PBX1: variants seen among roughly 807,000 people sequenced by gnomAD.
PBX1 encodes the protein PBX homeobox 1, also known as pre-B-cell leukemia transcription factor 1.
Under a neutral mutation model 53.4 loss-of-function variants are expected in PBX1, and 6 were observed. That is an observed-to-expected ratio of 0.11 (90% CI 0.06 to 0.22). PBX1 has a LOEUF of 0.22. Among genes scored for constraint, PBX1 ranks in the 10% least tolerant of loss-of-function variants. PBX1 has a pLI of 1.00. For synonymous variants in PBX1, 204 were observed against 212.3 expected (o/e 0.96, Z 0.34); for missense variants, 251 against 551.4 (o/e 0.46, Z 5.46).
intron 2 of PBX1, chr1:164,684,376 A>G (rs952733170): frequency 4.6e-5 from 7 of 152,212 alleles, no homozygotes; most frequent in Admixed American, 3.9e-4. Context: ...TCTCTTATGC[A>G]TTATGAATTC....
intron 2 of PBX1, among the ~76,000 whole-genome samples, chr1:164,604,885 C>T (rs1656445414): frequency 6.6e-6 from 1 of 151,644 alleles, no homozygotes; most frequent in African/African-American, 2.4e-5. Flanking sequence ...ACTCTGTTTC[C>T]CAAGTAAATA....
intron 2 of PBX1, among the ~76,000 whole-genome samples, chr1:164,783,958 A>C (rs1668049188): frequency 2.6e-5 from 4 of 152,224 alleles, no homozygotes; most frequent in Admixed American, 2.6e-4. Flanking sequence ...TGCTTCCTTT[A>C]GGAAATACCA....
intron 2 of PBX1, among the ~76,000 whole-genome samples, chr1:164,766,084 A>G (rs1273764705): frequency 6.6e-6 from 1 of 152,212 alleles, no homozygotes. Flanking sequence ...GCTGATGGCC[A>G]TGATGATATT....
intron 2 of PBX1, among the ~76,000 whole-genome samples, chr1:164,594,966 A>G (rs1655657532): frequency 6.6e-6 from 1 of 152,226 alleles, no homozygotes; most frequent in Admixed American, 6.5e-5. Context: ...AGCTCTTTTC[A>G]TTATACTGTC....
intron 2 of PBX1, among the ~76,000 whole-genome samples, chr1:164,697,881 G>A (rs570176815): frequency 4.6e-5 from 7 of 152,286 alleles, no homozygotes; most frequent in African/African-American, 1.7e-4. Context: ...GTGATATTTG[G>A]AATTGAACTA....
chr1:164,648,507 A>G (rs1429420499), intron 2 of PBX1, among the ~76,000 whole-genome samples: 1 of 152,224 alleles, frequency 6.6e-6, no homozygotes, highest in Non-Finnish European at 1.5e-5. Flanking sequence ...TGCACGCAGC[A>G]GAGAGGTTGC....
intron 2 of PBX1, among the ~76,000 whole-genome samples, chr1:164,581,137 G>T (rs1331793702): frequency 6.6e-6 from 1 of 152,058 alleles, no homozygotes; most frequent in Non-Finnish European, 1.5e-5. Context: ...GGTGCGGATG[G>T]ATGCTTCCAT....
At chr1:164,727,322 C>G (rs1234684857) in intron 2 of PBX1, among the ~76,000 whole-genome samples, 1 of 152,076 alleles carries the variant, frequency 6.6e-6, no homozygotes, top group African/African-American at 2.4e-5. Context: ...AGGGATTATG[C>G]CTAAGTAGTT....
chr1:164,599,470 G>A (rs1436296888), intron 2 of PBX1, among the ~76,000 whole-genome samples: 1 of 152,132 alleles, frequency 6.6e-6, no homozygotes, highest in East Asian at 1.9e-4. Flanking sequence ...TTTGCCAGCG[G>A]CCTCTTCTTA....
At chr1:164,619,834 G>A (rs1657549973) in intron 2 of PBX1, among the ~76,000 whole-genome samples, 1 of 152,170 alleles carries the variant, frequency 6.6e-6, no homozygotes, top group Non-Finnish European at 1.5e-5. Context: ...ATTGTGGAGA[G>A]TGAAGTGGAG....
chr1:164,878,824 T>G (rs1011642216), intron 2 of PBX1, among the ~76,000 whole-genome samples: 2 of 152,190 alleles, frequency 1.3e-5, no homozygotes, highest in Non-Finnish European at 2.9e-5. Context: ...TGTAGGAAAT[T>G]TGAACTTATA....
chr1:164,670,552 C>T (rs775864009), intron 2 of PBX1, among the ~76,000 whole-genome samples: 33 of 152,226 alleles, frequency 2.2e-4, no homozygotes, highest in Non-Finnish European at 2.6e-4. Context: ...ATCTCAATAG[C>T]CAGCTGACTG....
intron 2 of PBX1, among the ~76,000 whole-genome samples, chr1:164,786,370 T>C (rs1668174482): frequency 6.6e-6 from 1 of 152,156 alleles, no homozygotes; most frequent in Non-Finnish European, 1.5e-5. Context: ...CGTGCCCTGG[T>C]GCCTCAGAGG....
At chr1:164,779,082 C>T (rs35017150) in intron 2 of PBX1, among the ~76,000 whole-genome samples, 31,980 of 148,562 alleles carry the variant, frequency 0.22, 4,310 homozygotes, top group East Asian at 0.39. Flanking sequence ...CTCACTCTGT[C>T]CCCCAGGCTG....
At chr1:164,602,366 C>A (rs1363009315) in intron 2 of PBX1, among the ~76,000 whole-genome samples, 1 of 152,196 alleles carries the variant, frequency 6.6e-6, no homozygotes, top group Non-Finnish European at 1.5e-5. Context: ...TTCTCTTAAT[C>A]CTTTTTTGAA....
At chr1:164,584,008 G>A (rs1362952993) in intron 2 of PBX1, among the ~76,000 whole-genome samples, 3 of 152,168 alleles carry the variant, frequency 2.0e-5, no homozygotes, top group Admixed American at 1.3e-4. Context: ...CCCCCTTGAA[G>A]ATGGTAAGGT....
chr1:164,773,916 C>A lies in PBX1; in HGVS notation c.266-18578C>A, dbSNP rs370725592. On this transcript the variant is annotated intron_variant, in intron 2 of 8. Transcript: ENST00000420696. Reference sequence around the variant, plus strand: ...TCAAGAGGCCCAGAACTTAAGAAAGCCAGGAAGCTATTTTTCTACGACTCC... The same window carrying A: ...TCAAGAGGCCCAGAACTTAAGAAAGACAGGAAGCTATTTTTCTACGACTCC... 3.9e-5 allele frequency among the ~76,000 whole-genome samples: 6 copies of A among 152,220 alleles called. No homozygotes were observed. The East Asian group carries it at 7.7e-4, about 20-fold the overall frequency.
At chr1:164,691,895 A>C (rs914698663) in intron 2 of PBX1, among the ~76,000 whole-genome samples, 18 of 152,224 alleles carry the variant, frequency 1.2e-4, no homozygotes, top group African/African-American at 3.6e-4. Flanking sequence ...TACACAGTCA[A>C]AGCATAGTCA....
chr1:164,615,111 T>G (rs992624726), intron 2 of PBX1, among the ~76,000 whole-genome samples: 4 of 152,208 alleles, frequency 2.6e-5, no homozygotes, highest in Admixed American at 1.3e-4. Context: ...ACTCTTTCCT[T>G]AATTCTTAGG....
Sources: allele counts gnomAD v4.1 joint callset (sites outside exome capture counted in the v4.1 genomes callset), GRCh38; gene constraint gnomAD v4.1.1; transcripts MANE v1.5; gene names NCBI Gene and HGNC (gene_info 2026-07-23, HGNC 2026-07-21).